Variants in DPP10 observed in about 807,000 individuals in gnomAD.
DPP10 encodes inactive dipeptidyl peptidase 10.
Under a neutral mutation model 120.9 loss-of-function variants are expected in DPP10, and 33 were observed. That is an observed-to-expected ratio of 0.27 (90% CI 0.21 to 0.37). DPP10 has a LOEUF of 0.37. Among genes scored for constraint, DPP10 ranks in the 10% least tolerant of loss-of-function variants. DPP10 has a pLI of 1.00. For synonymous variants in DPP10, 337 were observed against 326.1 expected (o/e 1.03, Z -0.36); for missense variants, 816 against 942.8 (o/e 0.87, Z 1.76).
Position 115,067,861 on chromosome 2 carries a change from C to CAA in DPP10, c.61-241360_61-241359dup, listed in dbSNP as rs201964006. Among the ~76,000 whole-genome samples the CAA allele has an allele frequency of 2.9e-3, 255 of 86,570 alleles. 3 individuals carry two copies. The highest frequency in any genetic ancestry group is 4.5e-3 in the African/African-American group (112 of 24,736). The allele number at this position is 86,570 out of a possible 152,430, so 56.8% of individuals were successfully genotyped here. A position where few individuals can be genotyped will look rare whatever the true frequency, so the allele number is the denominator to read the frequency against. ...TGGGCGACACAGCAAGACTCTGTCT[C>CAA]AAAAAAAAAAAAAAAAAAAGAAAAA... is the stretch of plus-strand genomic sequence containing the variant. On this transcript the variant is annotated intron_variant, in intron 1 of 25. Coordinates refer to ENST00000410059, the MANE Select transcript of DPP10 (RefSeq NM_020868.6).
At chr2:115,603,146 G>GTGTT (rs1553459639) in intron 5 of DPP10, among the ~76,000 whole-genome samples, 1 of 92,388 alleles carries the variant, frequency 1.1e-5, no homozygotes, top group African/African-American at 3.0e-5. Flanking sequence ...GTGTGTGTGT[G>GTGTT]TGTGTGTGTG....
At chr2:114,976,778 G>A (rs1156676602) in intron 1 of DPP10, among the ~76,000 whole-genome samples, 3 of 152,070 alleles carry the variant, frequency 2.0e-5, no homozygotes, top group African/African-American at 7.2e-5. Context: ...TTTATTTATT[G>A]TGCCTATTTA....
intron 5 of DPP10, among the ~76,000 whole-genome samples, chr2:115,643,936 G>T (rs2087001498): frequency 6.6e-6 from 1 of 152,084 alleles, no homozygotes; most frequent in African/African-American, 2.4e-5. Context: ...AATGTTGAAT[G>T]TGGTTCTTGT....
intron 1 of DPP10, among the ~76,000 whole-genome samples, chr2:114,578,497 CTT>C (rs199718454): frequency 6.6e-6 from 1 of 152,024 alleles, no homozygotes; most frequent in Non-Finnish European, 1.5e-5. Context: ...TTCTCCATTC[CTT>C]TTTTTCCTTG....
chr2:115,030,901 A>G lies in DPP10; in HGVS notation c.61-278338A>G, dbSNP rs544627547. Among the ~76,000 whole-genome samples the G allele has an allele frequency of 2.6e-5, 4 of 152,322 alleles. No homozygotes were observed. In the East Asian group the frequency reaches 7.7e-4, roughly 29 times the overall value. ...TAGAGGCAGAAATACTATTTGACCCATTACTGGGTATATACCCATAGAATG... is the reference window on the plus strand; with the variant it reads ...TAGAGGCAGAAATACTATTTGACCCGTTACTGGGTATATACCCATAGAATG... On this transcript the variant is annotated intron_variant, in intron 1 of 25. Coordinates refer to ENST00000410059, the MANE Select transcript of DPP10 (RefSeq NM_020868.6).
At chr2:115,557,891 A>G (rs1016707094) in intron 5 of DPP10, among the ~76,000 whole-genome samples, 3 of 152,218 alleles carry the variant, frequency 2.0e-5, no homozygotes, top group Non-Finnish European at 4.4e-5. Flanking sequence ...TTGAAGTATC[A>G]TTCTAAAAAC....
At chr2:114,496,732 T>TC (rs994863560) in intron 1 of DPP10, among the ~76,000 whole-genome samples, 1 of 151,952 alleles carries the variant, frequency 6.6e-6, no homozygotes, top group African/African-American at 2.4e-5. Context: ...TGCCACCACT[T>TC]CAACTATCTA....
At chr2:115,511,932 A>G (rs931467540) in intron 4 of DPP10, among the ~76,000 whole-genome samples, 3 of 150,984 alleles carry the variant, frequency 2.0e-5, no homozygotes, top group South Asian at 2.1e-4. Flanking sequence ...TGGTCTCACT[A>G]TGTTTCCTAG....
At chr2:115,431,332 G>A (rs576013247) in intron 3 of DPP10, among the ~76,000 whole-genome samples, 2 of 152,262 alleles carry the variant, frequency 1.3e-5, no homozygotes, top group Admixed American at 6.5e-5. Context: ...AGTAGACGAC[G>A]AAGTGAAAGG....
At chr2:114,770,054 C>G (rs1681111666) in intron 1 of DPP10, among the ~76,000 whole-genome samples, 1 of 152,166 alleles carries the variant, frequency 6.6e-6, no homozygotes, top group South Asian at 2.1e-4. Context: ...ATGTGCACAG[C>G]AGGATGGTTT....
intron 5 of DPP10, among the ~76,000 whole-genome samples, chr2:115,538,480 A>G (rs1392396248): frequency 6.6e-6 from 1 of 152,036 alleles, no homozygotes; most frequent in Non-Finnish European, 1.5e-5. Context: ...TGAGCAAGGT[A>G]GAATAGAGGG....
chr2:115,418,806 T>TA (rs2069671058), intron 3 of DPP10, among the ~76,000 whole-genome samples: 1 of 151,832 alleles, frequency 6.6e-6, no homozygotes, highest in South Asian at 2.1e-4. Flanking sequence ...TTAATTAATT[T>TA]AAAAAACTAA....
chr2:114,541,616 GA>G (rs1046578045), intron 1 of DPP10, among the ~76,000 whole-genome samples: 1 of 151,520 alleles, frequency 6.6e-6, no homozygotes, highest in African/African-American at 2.4e-5. Context: ...ATTTATAATA[GA>G]AAAAAAATAA....
chr2:114,584,473 C>T (rs1010267375), intron 1 of DPP10, among the ~76,000 whole-genome samples: 1 of 151,568 alleles, frequency 6.6e-6, no homozygotes. Context: ...TATACATGTG[C>T]CATGTTGGTG....
In DPP10 at chr2:115,791,458, T is replaced by A; in HGVS notation, c.1700+102T>A. 3 of 1,021,230 alleles carry A rather than the reference T, an allele frequency of 2.9e-6. No individual in the cohort carries two copies. In the South Asian group the frequency reaches 5.1e-5, roughly 17 times the overall value. 63.3% of individuals were successfully genotyped at this position (1,021,230 alleles called of 1,614,324 possible). A position where few individuals can be genotyped will look rare whatever the true frequency, so the allele number is the denominator to read the frequency against. On this transcript the variant is annotated intron_variant, in intron 19 of 25. Transcript: ENST00000410059. ...TTCAATAAAGAAGAGAAGTCCTATG[T>A]GTGTAGTTAATCAGGACAGCTGTCT...
At chr2:115,283,270 A>G (rs924153771) in intron 1 of DPP10, among the ~76,000 whole-genome samples, 2 of 152,050 alleles carry the variant, frequency 1.3e-5, no homozygotes, top group African/African-American at 4.8e-5. Flanking sequence ...CCACCTTAAC[A>G]GCTTAAACCT....
chr2:115,559,622 A>G (rs558227012), intron 5 of DPP10, among the ~76,000 whole-genome samples: 4 of 152,164 alleles, frequency 2.6e-5, no homozygotes, highest in African/African-American at 7.2e-5. Flanking sequence ...TCTATTAATA[A>G]TCAAAGTTAT....
At chr2:114,744,084 A>T (rs111916846) in intron 1 of DPP10, among the ~76,000 whole-genome samples, 1,676 of 152,266 alleles carry the variant, frequency 0.011, 37 homozygotes, top group African/African-American at 0.038. Flanking sequence ...TTCTGATTAC[A>T]TGGAGGGATT....
At chr2:114,722,549 G>A (rs1489251698) in intron 1 of DPP10, among the ~76,000 whole-genome samples, 1 of 152,010 alleles carries the variant, frequency 6.6e-6, no homozygotes, top group African/African-American at 2.4e-5. Context: ...GGCCGAGGCG[G>A]GTGGATCATG....
Sources: gnomAD v4.1 joint callset for allele counts (sites outside exome capture counted in the v4.1 genomes callset) on GRCh38, gnomAD v4.1.1 for gene constraint, MANE v1.5 for transcripts, NCBI Gene and HGNC (gene_info 2026-07-23, HGNC 2026-07-21) for gene names.